OSMR: variants seen among roughly 807,000 people sequenced by gnomAD.
The protein encoded by OSMR is oncostatin-M-specific receptor subunit beta.
OSMR carries 81 observed loss-of-function variants against 99.9 expected under a neutral mutation model. The observed-to-expected ratio is 0.81, with a 90% CI of 0.68 to 0.97. The LOEUF (loss-of-function observed/expected upper bound fraction) is 0.97. OSMR is among the 50% of genes least tolerant of loss of function. The probability of loss-of-function intolerance (pLI) is 0.00; values close to 1 mark genes in which losing one functional copy is unlikely to be tolerated. For synonymous variants in OSMR, 406 were observed against 410.4 expected (o/e 0.99, Z 0.13); for missense variants, 1,099 against 1,153.4 (o/e 0.95, Z 0.68).
chr5:38,876,918 C>A (rs1742885397), intron 3 of OSMR, among the ~76,000 whole-genome samples: 1 of 152,130 alleles, frequency 6.6e-6, no homozygotes, highest in African/African-American at 2.4e-5. Context: ...TTTTCCACAA[C>A]AAATTAAATT....
intron 4 of OSMR, among the ~76,000 whole-genome samples, chr5:38,882,867 A>C (rs1463840778): frequency 6.6e-6 from 1 of 152,214 alleles, no homozygotes; most frequent in Admixed American, 6.5e-5. Context: ...TGAGGCACTG[A>C]GAGGTTAAAG....
intron 1 of OSMR, chr5:38,941,559 T>TA (rs1299956774): frequency 1.3e-5 from 3 of 231,056 alleles, no homozygotes; most frequent in Admixed American, 5.6e-5. Context: ...TTAATTAAAA[T>TA]AAAAAATGAT....
chr5:38,850,525 TG>T (rs1740273179), intron 1 of OSMR, among the ~76,000 whole-genome samples: 1 of 152,238 alleles, frequency 6.6e-6, no homozygotes, highest in South Asian at 2.1e-4. Flanking sequence ...TATTTTAAAC[TG>T]TTGACTTAAG....
Position 38,903,858 on chromosome 5 carries a change from G to T in OSMR, c.992-24G>T, listed in dbSNP as rs752510250. ...TTTGGATCTATGCTTGAATTTTTTT[G>T]TTTCTTTTTCTTTTTTTTGACAGTT... On this transcript the variant is annotated intron_variant, in intron 7 of 17. Coordinates refer to ENST00000274276, the MANE Select transcript of OSMR (RefSeq NM_003999.3). The T allele has an allele frequency of 3.1e-6, 5 of 1,599,472 alleles. No individual in the cohort carries two copies. The Admixed American group carries it at 8.6e-5, about 28-fold the overall frequency.
chr5:38,848,709 C>G (rs1168179626), intron 1 of OSMR, among the ~76,000 whole-genome samples: 1 of 152,168 alleles, frequency 6.6e-6, no homozygotes, highest in Non-Finnish European at 1.5e-5. Flanking sequence ...CTTGCTTTTT[C>G]ACTTTCCAAG....
intron 8 of OSMR, 157 bp from the exon 9 acceptor site, chr5:38,904,196 G>A: frequency 1.0e-6 from 1 of 984,906 alleles, no homozygotes; most frequent in Non-Finnish European, 1.2e-6. Flanking sequence ...GTTAGGAAAT[G>A]GGCCTTGAAG....
At chr5:38,897,387 G>A (rs2112493330) in intron 7 of OSMR, among the ~76,000 whole-genome samples, 1 of 152,104 alleles carries the variant, frequency 6.6e-6, no homozygotes, top group South Asian at 2.1e-4. Flanking sequence ...AGATTTATGT[G>A]TCTAGGAATT....
intron 7 of OSMR, among the ~76,000 whole-genome samples, chr5:38,891,864 C>T (rs183498832): frequency 1.5e-4 from 23 of 152,286 alleles, no homozygotes; most frequent in Admixed American, 1.4e-3. Flanking sequence ...GTGCAGCAAC[C>T]GCACCCCTGC....
intron 3 of OSMR, among the ~76,000 whole-genome samples, chr5:38,878,068 G>A (rs1390717486): frequency 6.6e-6 from 1 of 152,116 alleles, no homozygotes; most frequent in Non-Finnish European, 1.5e-5. Flanking sequence ...GGTTTGTTGT[G>A]TTGCTCCAGG....
chr5:38,870,317 T>C (rs1233492641), intron 2 of OSMR, among the ~76,000 whole-genome samples: 1 of 144,826 alleles, frequency 6.9e-6, no homozygotes, highest in Non-Finnish European at 1.5e-5. Flanking sequence ...AACCATATAA[T>C]AAGAATGATT....
At chr5:38,852,561 T>G (rs1014484376) in intron 1 of OSMR, among the ~76,000 whole-genome samples, 2 of 151,098 alleles carry the variant, frequency 1.3e-5, no homozygotes, top group Non-Finnish European at 2.9e-5. Flanking sequence ...TCTTGCCAAG[T>G]TTTTTGTAGG....
intron 9 of OSMR, among the ~76,000 whole-genome samples, chr5:38,911,098 T>C (rs1745547277): frequency 1.3e-5 from 2 of 151,988 alleles, no homozygotes; most frequent in African/African-American, 4.8e-5. Context: ...AAATTAGAAC[T>C]GAACTGAAGG....
intron 1 of OSMR, among the ~76,000 whole-genome samples, chr5:38,856,322 G>A (rs1740836561): frequency 6.6e-6 from 1 of 152,172 alleles, no homozygotes; most frequent in Admixed American, 6.5e-5. Flanking sequence ...TGTTCTGCAC[G>A]TTTTGATATA....
intron 9 of OSMR, among the ~76,000 whole-genome samples, chr5:38,907,523 G>A (rs189059828): frequency 7.4e-4 from 113 of 152,320 alleles, no homozygotes; most frequent in Non-Finnish European, 1.1e-3. Context: ...CTAGACAGAG[G>A]AGAATGGTCT....
At chr5:38,910,865 C>T (rs1745533379) in intron 9 of OSMR, among the ~76,000 whole-genome samples, 1 of 152,096 alleles carries the variant, frequency 6.6e-6, no homozygotes, top group Non-Finnish European at 1.5e-5. Context: ...CAAAAATTAG[C>T]CAGGCGTGGT....
chr5:38,923,385 G>T, intron 13 of OSMR, 131 bp downstream of exon 13: 2 of 657,374 alleles, frequency 3.0e-6, no homozygotes, highest in South Asian at 1.7e-5. Context: ...CTAGCAATTG[G>T]GTTTTTAAAA....
intron 17 of OSMR, 29 bp downstream of exon 17, chr5:38,932,564 A>AATG (rs766575803): frequency 6.3e-7 from 1 of 1,594,154 alleles, no homozygotes; most frequent in Non-Finnish European, 8.6e-7. Flanking sequence ...TATGTATACC[A>AATG]TATACCTATT....
chr5:38,883,969 T>G lies in OSMR; in HGVS notation c.561T>G (p.His187Gln), dbSNP rs34675408. The change falls in exon 5 of 18, where the codon CAT becomes CAG. Residue 187 changes from histidine to glutamine, a missense_variant. Transcript: ENST00000274276. ...VSCYLEGKQI[H>Q]GEQLDPHVTA... ...GTTATTTGGAAGGGAAACAGATTCA[T>G]GGAGAACAACTTGATCCACATGTAA... 125,031 of 1,613,524 alleles carry G rather than the reference T, an allele frequency of 0.077. 5,554 individuals carry two copies. The highest frequency in any genetic ancestry group is 0.14 in the African/African-American group (10,790 of 74,982).
intron 4 of OSMR, 172 bp from the exon 5 acceptor site, chr5:38,883,655 G>A (rs1743473435): frequency 5.1e-6 from 5 of 977,760 alleles, no homozygotes; most frequent in Non-Finnish European, 6.1e-6. Context: ...GTGGTGGAAA[G>A]GATTGTCTTG....
Sources: allele counts gnomAD v4.1 joint callset (sites outside exome capture counted in the v4.1 genomes callset), GRCh38; gene constraint gnomAD v4.1.1; transcripts MANE v1.5; gene names NCBI Gene and HGNC (gene_info 2026-07-23, HGNC 2026-07-21).